The following DHRSX variants were observed in gnomAD, a reference collection of about 807,000 sequenced individuals.
DHRSX encodes polyprenol dehydrogenase.
A neutral mutation model predicts 34.0 loss-of-function variants in DHRSX; 31 were observed. The ratio of observed to expected loss-of-function variants is 0.91; its 90% CI spans 0.69 to 1.23. The LOEUF is 1.23. Among genes scored for constraint, DHRSX ranks in the 50% most tolerant of loss-of-function variants. The probability of loss-of-function intolerance (pLI) is 0.00; values close to 1 mark genes in which losing one functional copy is unlikely to be tolerated. For missense variants in DHRSX, 414 were observed against 428.1 expected (o/e 0.97, Z 0.29); for synonymous variants, 201 against 183.8 (o/e 1.09, Z -0.76).
intron 1 of DHRSX, among the ~76,000 whole-genome samples, chrX:2,468,676 C>T (rs2044537224): frequency 6.6e-6 from 1 of 151,200 alleles, no homozygotes; most frequent in African/African-American, 2.4e-5. Context: ...GGACCTCCAC[C>T]ATGTACACAC....
At chrX:2,260,598 T>G (rs1222607094) in intron 5 of DHRSX, among the ~76,000 whole-genome samples, 1 of 152,088 alleles carries the variant, frequency 6.6e-6, no homozygotes, top group Non-Finnish European at 1.5e-5. Flanking sequence ...TACCTGGGAT[T>G]ACAGACGCGC....
intron 3 of DHRSX, among the ~76,000 whole-genome samples, chrX:2,351,346 C>T (rs1170478186): frequency 1.3e-5 from 2 of 152,140 alleles, no homozygotes; most frequent in Non-Finnish European, 2.9e-5. Flanking sequence ...TTTGATGAGT[C>T]CATCAGAATA....
intron 3 of DHRSX, among the ~76,000 whole-genome samples, chrX:2,345,285 C>G (rs1347618029): frequency 1.3e-5 from 2 of 151,962 alleles, no homozygotes; most frequent in African/African-American, 2.4e-5. Context: ...ATATCGAAAT[C>G]AGGAGACTTT....
At chrX:2,412,084 A>C (rs6642078) in intron 2 of DHRSX, among the ~76,000 whole-genome samples, 2 of 152,162 alleles carry the variant, frequency 1.3e-5, no homozygotes, top group Admixed American at 6.5e-5. Flanking sequence ...ATTTGGCCTC[A>C]TATGCATTTG....
At chrX:2,466,957 T>C (rs2044505421) in intron 1 of DHRSX, among the ~76,000 whole-genome samples, 1 of 151,162 alleles carries the variant, frequency 6.6e-6, no homozygotes, top group Non-Finnish European at 1.5e-5. Context: ...CCTAGCTACC[T>C]GACAGGCTGA....
chrX:2,441,729 A>T (rs1200059500), intron 1 of DHRSX, among the ~76,000 whole-genome samples: 1 of 152,120 alleles, frequency 6.6e-6, no homozygotes, highest in Admixed American at 6.6e-5. Context: ...AGTCTACTGA[A>T]AATCTCATTA....
intron 5 of DHRSX, among the ~76,000 whole-genome samples, chrX:2,245,515 G>C (rs1049383920): frequency 6.7e-6 from 1 of 148,588 alleles, no homozygotes; most frequent in African/African-American, 2.5e-5. Context: ...TCACCATGTT[G>C]GCCAGGCTGG....
At chrX:2,451,170 G>A (rs1417377777) in intron 1 of DHRSX, among the ~76,000 whole-genome samples, 1 of 151,568 alleles carries the variant, frequency 6.6e-6, no homozygotes, top group Non-Finnish European at 1.5e-5. Flanking sequence ...GAGGCGGAGG[G>A]TGCAGTGAGC....
intron 4 of DHRSX, among the ~76,000 whole-genome samples, chrX:2,268,390 A>G (rs35649623): frequency 0.42 from 63,816 of 152,082 alleles, 14,844 homozygotes; most frequent in Non-Finnish European, 0.55. Flanking sequence ...TGTACCTGGA[A>G]TTCTGTATCT....
At chrX:2,446,295 G>C (rs2044133307) in intron 1 of DHRSX, among the ~76,000 whole-genome samples, 2 of 151,286 alleles carry the variant, frequency 1.3e-5, no homozygotes, top group South Asian at 4.2e-4. Context: ...TGTGGACAGG[G>C]GACTGCCGCT....
At chrX:2,272,490 C>T (rs2041570766) in intron 4 of DHRSX, among the ~76,000 whole-genome samples, 2 of 152,106 alleles carry the variant, frequency 1.3e-5, no homozygotes, top group Admixed American at 1.3e-4. Context: ...TTAACTTTCT[C>T]GTTAATTCTT....
In DHRSX at chrX:2,397,857, G is replaced by A. The variant is rs567875646; in HGVS notation, c.286+10888C>T. Among the ~76,000 whole-genome samples the A allele has an allele frequency of 4.0e-4, 61 of 152,072 alleles. 1 individual carries two copies. Among genetic ancestry groups the A allele is most frequent in the Admixed American group, 3.4e-3 (52 of 15,260 alleles). On this transcript the variant is annotated intron_variant, in intron 3 of 6. Transcript: ENST00000334651. ...CATGCCCCAGGTGTGCCGGCAAGTC[G>A]GCGGCAAGTGGAAGCCCTCAGCCTT...
intron 3 of DHRSX, among the ~76,000 whole-genome samples, chrX:2,359,862 A>G (rs771296074): frequency 1.8e-4 from 27 of 152,208 alleles, no homozygotes; most frequent in African/African-American, 5.1e-4. Context: ...CTTATAAGTG[A>G]GAGCTAAATG....
chrX:2,413,760 C>G (rs1054832483), intron 2 of DHRSX, among the ~76,000 whole-genome samples: 1 of 152,092 alleles, frequency 6.6e-6, no homozygotes, highest in African/African-American at 2.4e-5. Flanking sequence ...GCAACTACAC[C>G]TCATCATACT....
At chrX:2,286,417 T>A (rs2041805655) in intron 4 of DHRSX, among the ~76,000 whole-genome samples, 1 of 152,234 alleles carries the variant, frequency 6.6e-6, no homozygotes, top group African/African-American at 2.4e-5. Context: ...CAGCATAGAC[T>A]GTGCCATCTG....
At chrX:2,419,071 C>G (rs997336808) in intron 2 of DHRSX, among the ~76,000 whole-genome samples, 1 of 152,146 alleles carries the variant, frequency 6.6e-6, no homozygotes, top group Non-Finnish European at 1.5e-5. Context: ...TAAACCCAAT[C>G]CTTTTGCATC....
intron 3 of DHRSX, among the ~76,000 whole-genome samples, chrX:2,394,619 G>T (rs769166947): frequency 6.6e-5 from 10 of 152,264 alleles, no homozygotes; most frequent in African/African-American, 2.4e-4. Flanking sequence ...TGTAATCCCA[G>T]CACTTTGGGA....
At chrX:2,360,331 T>C (rs1033320775) in intron 3 of DHRSX, among the ~76,000 whole-genome samples, 1 of 152,186 alleles carries the variant, frequency 6.6e-6, no homozygotes, top group African/African-American at 2.4e-5. Context: ...ACGCCTGTAA[T>C]CCCAGCACTT....
At chrX:2,491,851 T>C (rs1238052335) in intron 1 of DHRSX, among the ~76,000 whole-genome samples, 1 of 152,196 alleles carries the variant, frequency 6.6e-6, no homozygotes, top group Non-Finnish European at 1.5e-5. Flanking sequence ...GAGGCTTAGA[T>C]GACCCAGAAG....
Sources: gnomAD v4.1 joint callset for allele counts (sites outside exome capture counted in the v4.1 genomes callset) on GRCh38, gnomAD v4.1.1 for gene constraint, MANE v1.5 for transcripts, NCBI Gene and HGNC (gene_info 2026-07-23, HGNC 2026-07-21) for gene names.